Variants in LIMK1 observed in about 807,000 individuals in gnomAD.
The protein encoded by LIMK1 is LIM motif-containing protein kinase.
LIMK1 carries 21 observed loss-of-function variants against 77.6 expected under a neutral mutation model. That is an observed-to-expected ratio of 0.27 (90% CI 0.19 to 0.39). LIMK1 has a LOEUF of 0.39. Among genes scored for constraint, LIMK1 ranks in the 10% least tolerant of loss-of-function variants. The pLI is 1.00. For synonymous variants in LIMK1, 358 were observed against 370.0 expected (o/e 0.97, Z 0.37); for missense variants, 696 against 901.6 (o/e 0.77, Z 2.92).
chr7:74,096,488 A>C, intron 2 of LIMK1, 134 bp from the exon 3 acceptor site: 2 of 1,182,752 alleles, frequency 1.7e-6, no homozygotes, highest in South Asian at 2.9e-5. Context: ...CGACAGAGCA[A>C]GACTCCGTCT....
At chr7:74,107,825 C>T (rs1799608970) in intron 8 of LIMK1, 46 bp from the exon 9 acceptor site, 1 of 1,492,134 alleles carries the variant, frequency 6.7e-7, no homozygotes, top group Non-Finnish European at 9.2e-7. Context: ...AGAAGGCGGG[C>T]TTACAGCAGA....
intron 5 of LIMK1, 45 bp downstream of exon 5, chr7:74,099,283 T>C (rs376215118): frequency 6.4e-7 from 1 of 1,567,644 alleles, no homozygotes; most frequent in African/African-American, 1.3e-5. Flanking sequence ...TGGCTATGGC[T>C]GTTGATGTGG....
intron 2 of LIMK1, among the ~76,000 whole-genome samples, chr7:74,092,117 C>G (rs1384658560): frequency 6.6e-6 from 1 of 151,772 alleles, no homozygotes; most frequent in African/African-American, 2.4e-5. Flanking sequence ...AGGCGCCCAC[C>G]ACCACACCTG....
chr7:74,086,619 C>T (rs2115611458), intron 2 of LIMK1, among the ~76,000 whole-genome samples: 1 of 152,224 alleles, frequency 6.6e-6, no homozygotes, highest in African/African-American at 2.4e-5. Flanking sequence ...GCCTTGGCCT[C>T]CGAAAGTGCT....
intron 13 of LIMK1, among the ~76,000 whole-genome samples, chr7:74,118,250 G>A (rs530895180): frequency 6.6e-5 from 10 of 151,466 alleles, no homozygotes; most frequent in South Asian, 6.2e-4. Context: ...GGTTGCACGC[G>A]TCTGTAGTCC....
In LIMK1 at chr7:74,097,152, G is replaced by A; in HGVS notation, c.364G>A (p.Asp122Asn). The part of the protein sequence containing the change: ...LTCGTFIGDG[D>N]TYTLVEHSKL... Reference sequence around the variant, plus strand: ...GTGTGGGACCTTTATCGGTGACGGGGACACCTACACGCTGGTGGAGCACTC... The same window carrying A: ...GTGTGGGACCTTTATCGGTGACGGGAACACCTACACGCTGGTGGAGCACTC... The change falls in exon 4 of 16, where the codon GAC becomes AAC. Residue 122 changes from aspartate (D) to asparagine (N), a missense_variant. Around this residue, in one of 3 missense-constraint regions of LIMK1, gnomAD observed 252 missense variants for 279.4 expected, o/e 0.90. Coordinates refer to ENST00000336180, the MANE Select transcript of LIMK1 (RefSeq NM_002314.4). 6.2e-7 allele frequency: 1 copy of A among 1,613,222 alleles called. No individual in the cohort carries two copies. The highest frequency in any genetic ancestry group is 8.5e-7 in the Non-Finnish European group (1 of 1,179,850).
chr7:74,094,961 C>T (rs1278133055), intron 2 of LIMK1, among the ~76,000 whole-genome samples: 1 of 152,190 alleles, frequency 6.6e-6, no homozygotes, highest in African/African-American at 2.4e-5. Context: ...CCCTTTACTC[C>T]CACCCCTTCC....
intron 2 of LIMK1, among the ~76,000 whole-genome samples, chr7:74,090,542 A>G (rs1554694635): frequency 4.6e-5 from 7 of 152,124 alleles, no homozygotes; most frequent in African/African-American, 1.4e-4. Context: ...ACCTGGGTGC[A>G]TGGCTGACCA....
At chr7:74,086,807 T>C (rs1554694133) in intron 2 of LIMK1, among the ~76,000 whole-genome samples, 2 of 152,130 alleles carry the variant, frequency 1.3e-5, no homozygotes, top group African/African-American at 4.8e-5. Context: ...CTTCTGGGTG[T>C]TCATGCTCTT....
At chr7:74,093,356 A>G (rs1285878373) in intron 2 of LIMK1, 2 of 1,531,338 alleles carry the variant, frequency 1.3e-6, no homozygotes, top group African/African-American at 1.4e-5. Flanking sequence ...CCCCTGGTGT[A>G]AGGCCTGGGG....
At chr7:74,116,008 G>A (rs1554699403) in intron 13 of LIMK1, 50 bp downstream of exon 13, 1 of 1,574,170 alleles carries the variant, frequency 6.4e-7, no homozygotes. Flanking sequence ...AGCCATGGGG[G>A]AGCCCAGGAG....
Position 74,102,800 on chromosome 7 carries a change from A to G in LIMK1, c.609-3075A>G, listed in dbSNP as rs139758746. ...AACTACTGAGCTGTCCTTTATAGCA[A>G]TCTCCCCCTCATCCACAGTCCAGTC... is the stretch of plus-strand genomic sequence containing the variant. On this transcript the variant is annotated intron_variant, in intron 5 of 15. Transcript: ENST00000336180. Among the ~76,000 whole-genome samples, 30 of 151,308 alleles carry G rather than the reference A, an allele frequency of 2.0e-4. No homozygotes were observed. In the East Asian group the frequency reaches 5.0e-3, roughly 25 times the overall value.
At chr7:74,121,097 G>C (rs543141611) in intron 15 of LIMK1, 42 bp from the exon 16 acceptor site, 1 of 1,599,904 alleles carries the variant, frequency 6.3e-7, no homozygotes, top group African/African-American at 1.3e-5. Context: ...GCCGATTCCC[G>C]GGACAGCCAG....
chr7:74,088,142 A>G (rs541669897), intron 2 of LIMK1, among the ~76,000 whole-genome samples: 35 of 152,320 alleles, frequency 2.3e-4, no homozygotes, highest in African/African-American at 8.4e-4. Context: ...CCCCTGTTCT[A>G]AGTACTTTGC....
chr7:74,107,411 C>T (rs956822219), intron 8 of LIMK1, among the ~76,000 whole-genome samples: 4 of 152,142 alleles, frequency 2.6e-5, no homozygotes, highest in Admixed American at 6.5e-5. Context: ...AAAGGTGGCT[C>T]CTAGCCAGGC....
At chr7:74,114,787 C>T (rs111787283) in intron 12 of LIMK1, among the ~76,000 whole-genome samples, 2 of 151,254 alleles carry the variant, frequency 1.3e-5, no homozygotes, top group African/African-American at 4.9e-5. Flanking sequence ...TGGTGGCAGG[C>T]GCCTGTAGTC....
intron 12 of LIMK1, among the ~76,000 whole-genome samples, chr7:74,112,957 C>T (rs1279062091): frequency 6.6e-6 from 1 of 152,098 alleles, no homozygotes; most frequent in Non-Finnish European, 1.5e-5. Context: ...TAACCATGCC[C>T]ATCTGGAGAG....
At chr7:74,084,864 A>G (rs1799103784) in intron 1 of LIMK1, among the ~76,000 whole-genome samples, 1 of 151,616 alleles carries the variant, frequency 6.6e-6, no homozygotes, top group African/African-American at 2.4e-5. Flanking sequence ...GCCTGACTCC[A>G]CACCTCCCCC....
chr7:74,089,365 G>C (rs1416785423), intron 2 of LIMK1, among the ~76,000 whole-genome samples: 1 of 152,146 alleles, frequency 6.6e-6, no homozygotes, highest in Non-Finnish European at 1.5e-5. Flanking sequence ...AGCTGAGCAT[G>C]GTGGTGGTGC....
Sources: allele counts gnomAD v4.1 joint callset (sites outside exome capture counted in the v4.1 genomes callset), GRCh38; gene constraint gnomAD v4.1.1; regional missense constraint gnomAD v4.1.1; transcripts MANE v1.5; gene names NCBI Gene and HGNC (gene_info 2026-07-23, HGNC 2026-07-21).